TRPM3: variants seen among roughly 807,000 people sequenced by gnomAD.
TRPM3 encodes the protein transient receptor potential cation channel subfamily M member 3.
Under a neutral mutation model 181.2 loss-of-function variants are expected in TRPM3, and 77 were observed. The observed-to-expected ratio is 0.42, with a 90% confidence interval of 0.35 to 0.51. TRPM3 has a LOEUF of 0.51. TRPM3 is among the 20% of genes least tolerant of loss of function. The pLI, the probability that TRPM3 is intolerant of heterozygous loss-of-function variation, is 0.01. For synonymous variants in TRPM3, 745 were observed against 796.4 expected (o/e 0.94, Z 1.09); for missense variants, 1,759 against 2,196.7 (o/e 0.80, Z 3.98).
chr9:71,193,515 C>G (rs991632608), intron 1 of TRPM3, among the ~76,000 whole-genome samples: 1 of 151,822 alleles, frequency 6.6e-6, no homozygotes, highest in Admixed American at 6.6e-5. Context: ...CTATTTTCCC[C>G]TATTCAATCT....
chr9:70,947,807 G>A (rs1981160), intron 1 of TRPM3, among the ~76,000 whole-genome samples: 54,217 of 151,884 alleles, frequency 0.36, 10,022 homozygotes, highest in African/African-American at 0.4. Context: ...AAAGCCTCTG[G>A]GTATTTTCCA....
intron 1 of TRPM3, among the ~76,000 whole-genome samples, chr9:71,307,888 T>G (rs1192521839): frequency 6.6e-6 from 1 of 152,174 alleles, no homozygotes; most frequent in Non-Finnish European, 1.5e-5. Flanking sequence ...AGTAAGGCAT[T>G]TATTTTGTTT....
At chr9:70,837,892 A>G (rs2094422438) in intron 5 of TRPM3, among the ~76,000 whole-genome samples, 2 of 152,214 alleles carry the variant, frequency 1.3e-5, no homozygotes, top group African/African-American at 4.8e-5. Flanking sequence ...CTTGACATAC[A>G]TATATTTAAG....
intron 1 of TRPM3, among the ~76,000 whole-genome samples, chr9:71,212,718 G>T (rs867647073): frequency 6.6e-6 from 1 of 152,176 alleles, no homozygotes; most frequent in South Asian, 2.1e-4. Flanking sequence ...ACATCAGGTG[G>T]TAATTGTCAG....
At chr9:70,837,084 C>T (rs943357062) in intron 5 of TRPM3, among the ~76,000 whole-genome samples, 5 of 152,114 alleles carry the variant, frequency 3.3e-5, no homozygotes, top group South Asian at 2.1e-4. Context: ...TCCTTGTCTC[C>T]GACCTTTTCC....
chr9:70,841,631 T>TATAC (rs1422085620), intron 5 of TRPM3, among the ~76,000 whole-genome samples: 1 of 62,322 alleles, frequency 1.6e-5, no homozygotes, highest in African/African-American at 9.1e-5. Flanking sequence ...CCACTATATA[T>TATAC]ATATATATAT....
intron 1 of TRPM3, among the ~76,000 whole-genome samples, chr9:71,203,161 G>A (rs1274788474): frequency 6.6e-6 from 1 of 152,194 alleles, no homozygotes; most frequent in Non-Finnish European, 1.5e-5. Context: ...GTCTAAGGGA[G>A]ATCTAGTTCC....
intron 22 of TRPM3, among the ~76,000 whole-genome samples, chr9:70,576,447 T>C (rs1247983280): frequency 6.6e-6 from 1 of 151,942 alleles, no homozygotes; most frequent in Non-Finnish European, 1.5e-5. Context: ...CTACGCCAAC[T>C]TGAGCTGCTG....
chr9:70,922,392 T>C (rs1324483996), intron 1 of TRPM3, among the ~76,000 whole-genome samples: 2 of 152,194 alleles, frequency 1.3e-5, no homozygotes, highest in Non-Finnish European at 2.9e-5. Context: ...GAAGTTCGAC[T>C]GTTGTGCCAA....
chr9:70,543,056 C>T (rs539988843), intron 25 of TRPM3, among the ~76,000 whole-genome samples: 7 of 152,184 alleles, frequency 4.6e-5, no homozygotes, highest in African/African-American at 9.6e-5. Context: ...GAAAAAGATA[C>T]GGTGGGAGGT....
chr9:70,571,970 T>A (rs1469505529), intron 22 of TRPM3, among the ~76,000 whole-genome samples: 1 of 139,652 alleles, frequency 7.2e-6, no homozygotes, highest in Non-Finnish European at 1.6e-5. Context: ...TCCATGTCCA[T>A]CTTGACTGTT....
At chr9:71,017,040 T>C (rs1042523349) in intron 1 of TRPM3, among the ~76,000 whole-genome samples, 1 of 152,156 alleles carries the variant, frequency 6.6e-6, no homozygotes, top group East Asian at 1.9e-4. Flanking sequence ...CACTTGAGCA[T>C]TGTGCTATGT....
chr9:71,045,622 G>A (rs1371543746), intron 1 of TRPM3, among the ~76,000 whole-genome samples: 1 of 152,178 alleles, frequency 6.6e-6, no homozygotes, highest in East Asian at 1.9e-4. Context: ...GACAGATGAG[G>A]CATAAAAAAT....
intron 19 of TRPM3, among the ~76,000 whole-genome samples, chr9:70,603,845 G>A (rs73451703): frequency 0.047 from 7,208 of 152,240 alleles, 200 homozygotes; most frequent in Middle Eastern, 0.071. Flanking sequence ...TTAAACTAGG[G>A]CAGCACAGTG....
intron 8 of TRPM3, among the ~76,000 whole-genome samples, chr9:70,753,250 A>G (rs896982707): frequency 1.3e-5 from 2 of 152,124 alleles, no homozygotes; most frequent in Non-Finnish European, 1.5e-5. Flanking sequence ...AGTACATCAA[A>G]AAAAGTGAAA....
chr9:70,747,773 C>T (rs1263996386), intron 8 of TRPM3, among the ~76,000 whole-genome samples: 1 of 151,884 alleles, frequency 6.6e-6, no homozygotes. Context: ...TTGCCAACCC[C>T]TGCAGTGTGT....
chr9:70,860,842 C>T (rs990766503), intron 3 of TRPM3, among the ~76,000 whole-genome samples: 16 of 152,112 alleles, frequency 1.1e-4, no homozygotes, highest in African/African-American at 2.9e-4. Context: ...ATTGTGTGCT[C>T]AGCACTGTGT....
In TRPM3 at chr9:70,532,992, G is replaced by A. The variant is rs2041101752; in HGVS notation, c.*2961C>T. On this transcript the variant is annotated 3_prime_UTR_variant, in exon 26 of 26. Transcript: ENST00000677713. ...GTGCACAGGAAGGAAATGGCTCATGGAAGTTACACAGTTTGTGTCTACAGT... is the reference window on the plus strand; with the variant it reads ...GTGCACAGGAAGGAAATGGCTCATGAAAGTTACACAGTTTGTGTCTACAGT... The A allele has an allele frequency of 6.6e-6, 1 of 152,176 alleles. No individual in the cohort carries two copies. The highest frequency in any genetic ancestry group is 2.1e-4 in the South Asian group (1 of 4,816). 9.4% of individuals were successfully genotyped at this position (152,176 alleles called of 1,614,324 possible).
intron 6 of TRPM3, among the ~76,000 whole-genome samples, chr9:70,804,450 T>A (rs2090148608): frequency 6.6e-6 from 1 of 152,234 alleles, no homozygotes; most frequent in East Asian, 1.9e-4. Flanking sequence ...GCACTGCATG[T>A]GTTAATAAAG....
Sources: allele counts gnomAD v4.1 joint callset (sites outside exome capture counted in the v4.1 genomes callset), GRCh38; gene constraint gnomAD v4.1.1; transcripts MANE v1.5; gene names NCBI Gene and HGNC (gene_info 2026-07-23, HGNC 2026-07-21).